The following RFTN2 variants were observed in gnomAD, a reference collection of about 807,000 sequenced individuals.
The protein encoded by RFTN2 is raftlin family member 2, also known as raftlin-2.
In RFTN2, 34 loss-of-function variants were observed where a neutral mutation model predicts 52.7. The observed-to-expected ratio is 0.64, with a 90% CI of 0.49 to 0.86. RFTN2 has a LOEUF of 0.86. Among genes scored for constraint, RFTN2 ranks in the 40% least tolerant of loss-of-function variants. The pLI, the probability that RFTN2 is intolerant of heterozygous loss-of-function variation, is 0.00. For missense variants in RFTN2, 536 were observed against 600.1 expected (o/e 0.89, Z 1.12); for synonymous variants, 203 against 217.7 (o/e 0.93, Z 0.59).
At chr2:197,640,930 G>T (rs546472689) in intron 3 of RFTN2, among the ~76,000 whole-genome samples, 12 of 152,304 alleles carry the variant, frequency 7.9e-5, no homozygotes, top group Non-Finnish European at 1.3e-4. Flanking sequence ...TTTGAAGGCT[G>T]ACGTAGGGGA....
intron 5 of RFTN2, among the ~76,000 whole-genome samples, chr2:197,625,641 A>C (rs1401185200): frequency 2.2e-5 from 3 of 134,156 alleles, no homozygotes; most frequent in African/African-American, 8.5e-5. Flanking sequence ...TCCATTTCTC[A>C]TAATGAGGGC....
At chr2:197,615,803 G>A in intron 7 of RFTN2, 73 bp downstream of exon 7, 1 of 779,436 alleles carries the variant, frequency 1.3e-6, no homozygotes, top group African/African-American at 1.7e-5. Flanking sequence ...AATATTTGTT[G>A]AATTGAACTA....
chr2:197,608,310 ATT>A (rs753519789), intron 7 of RFTN2, among the ~76,000 whole-genome samples: 152 of 132,180 alleles, frequency 1.1e-3, no homozygotes, highest in African/African-American at 3.5e-3. Context: ...TAGGGACCAG[ATT>A]TTTTTTTTTT....
chr2:197,606,719 A>T (rs1356135152), intron 7 of RFTN2, among the ~76,000 whole-genome samples: 1 of 151,670 alleles, frequency 6.6e-6, no homozygotes, highest in Admixed American at 6.6e-5. Context: ...GCCAAAAAAC[A>T]CATGAAAAAA....
chr2:197,635,304 G>C (rs1263076500), intron 3 of RFTN2, among the ~76,000 whole-genome samples: 1,797 of 152,158 alleles, frequency 0.012, 22 homozygotes, highest in Middle Eastern at 0.031. Context: ...TCCCTGAGGA[G>C]TCACCACACT....
At chr2:197,581,321 T>C (rs1049371547) in intron 8 of RFTN2, among the ~76,000 whole-genome samples, 2 of 152,144 alleles carry the variant, frequency 1.3e-5, no homozygotes, top group Non-Finnish European at 2.9e-5. Context: ...CTCAATACCT[T>C]CCTCCACAAC....
At chr2:197,656,281 G>A (rs1273054334) in intron 1 of RFTN2, among the ~76,000 whole-genome samples, 1 of 152,080 alleles carries the variant, frequency 6.6e-6, no homozygotes, top group Non-Finnish European at 1.5e-5. Flanking sequence ...ACAACCATTG[G>A]TTGCTTTGTA....
chr2:197,603,457 T>C (rs944244505), intron 7 of RFTN2, among the ~76,000 whole-genome samples: 4 of 152,172 alleles, frequency 2.6e-5, no homozygotes, highest in Non-Finnish European at 4.4e-5. Flanking sequence ...TTTAAGTAAG[T>C]TATAGGTAGA....
chr2:197,619,120 G>A lies in RFTN2; in HGVS notation c.929-1199C>T, dbSNP rs1395301137. Among the ~76,000 whole-genome samples the A allele has an allele frequency of 3.7e-4, 55 of 150,560 alleles. 1 individual carries two copies. Among genetic ancestry groups the A allele is most frequent in the African/African-American group, 1.2e-3 (51 of 41,044 alleles). ...GCCCCTCTGCCCGGCCAGCCGCCCC[G>A]TCCGGGAGGGAGGTGGGGGGGGTCA... On this transcript the variant is annotated intron_variant, in intron 5 of 8. Coordinates refer to ENST00000295049, the MANE Select transcript of RFTN2 (RefSeq NM_144629.3).
At chr2:197,640,376 C>G (rs2088645777) in intron 3 of RFTN2, among the ~76,000 whole-genome samples, 1 of 152,348 alleles carries the variant, frequency 6.6e-6, no homozygotes, top group East Asian at 1.9e-4. Flanking sequence ...GCTGTGCTAG[C>G]AATCAGCGAG....
intron 7 of RFTN2, among the ~76,000 whole-genome samples, chr2:197,597,706 C>T (rs1028788340): frequency 3.9e-5 from 6 of 151,912 alleles, no homozygotes; most frequent in African/African-American, 9.7e-5. Context: ...TTAGCAAAGA[C>T]GGGGTTTCTC....
At position 197,631,091 on chromosome 2, in the gene RFTN2, T is replaced by C. The variant is rs539867165; in HGVS notation, c.848A>G (p.Asp283Gly). 4 of 1,613,460 alleles carry C rather than the reference T, an allele frequency of 2.5e-6. No individual in the cohort carries two copies. The South Asian group carries it at 4.4e-5, about 18-fold the overall frequency. The change falls in exon 5 of 9, where the codon GAT becomes GGT. Residue 283 changes from aspartate (D) to glycine (G), a missense_variant. Coordinates refer to ENST00000295049, the MANE Select transcript of RFTN2 (RefSeq NM_144629.3). ...KGSVISTLDA[D>G]WLELTTFYYK... ...ATAAAAGGTAGTTAACTCCAGCCAA[T>C]CAGCATCAAGTGTACTAATGACTGA...
Position 197,644,209 on chromosome 2 carries a change from G to A in RFTN2, c.387C>T (p.Pro129=), listed in dbSNP as rs768246755. 7 of 1,613,592 alleles carry A rather than the reference G, an allele frequency of 4.3e-6. No homozygotes were observed. The highest frequency in any genetic ancestry group is 5.1e-6 in the Non-Finnish European group (6 of 1,179,590). The change falls in exon 3 of 9, where the codon CCC becomes CCT. Residue 129 remains proline (P), a synonymous_variant. Coordinates refer to ENST00000295049, the MANE Select transcript of RFTN2 (RefSeq NM_144629.3). The part of the protein sequence containing the change: ...RRPRLVIEEC[P]LTSEAQTNDA... ...CATTTGTTTGTGCCTCAGAAGTTAGGGGACATTCCTCAATCACGAGCCTTG... is the reference window on the plus strand; with the variant it reads ...CATTTGTTTGTGCCTCAGAAGTTAGAGGACATTCCTCAATCACGAGCCTTG...
intron 8 of RFTN2, among the ~76,000 whole-genome samples, chr2:197,579,960 C>T (rs534608251): frequency 4.6e-5 from 7 of 152,230 alleles, no homozygotes; most frequent in Admixed American, 2.6e-4. Flanking sequence ...GAGCTAAAGG[C>T]GTAGTCAAGG....
chr2:197,572,639 CTTAGTG>C lies in RFTN2; in HGVS notation c.1234-365_1234-360del, dbSNP rs567005395. Among the ~76,000 whole-genome samples the C allele has an allele frequency of 7.6e-4, 115 of 152,212 alleles. 1 individual carries two copies. The highest frequency in any genetic ancestry group is 2.6e-3 in the African/African-American group (109 of 41,534). ...GTATAAATACTAATATGTTTTTCTTCTTAGTGTTAGTTCAGATCTATACAGCAGAAA... is the reference window on the plus strand; with the variant it reads ...GTATAAATACTAATATGTTTTTCTTCTTAGTTCAGATCTATACAGCAGAAA... On this transcript the variant is annotated intron_variant, in intron 8 of 8. Transcript: ENST00000295049.
intron 8 of RFTN2, among the ~76,000 whole-genome samples, chr2:197,588,792 T>G (rs1226705629): frequency 6.6e-6 from 1 of 152,194 alleles, no homozygotes; most frequent in Non-Finnish European, 1.5e-5. Context: ...TTCTGTGTCC[T>G]CAACCAAATC....
At chr2:197,595,959 C>T in intron 8 of RFTN2, 32 bp downstream of exon 8, 1 of 1,328,904 alleles carries the variant, frequency 7.5e-7, no homozygotes, top group Non-Finnish European at 1.1e-6. Flanking sequence ...TTCAATATAA[C>T]ATTCAGTTAA....
rs1267161498 is a variant in RFTN2 at position 197,614,789 on chromosome 2, T to TGAAGA, written c.1154+1082_1154+1086dup. On this transcript the variant is annotated intron_variant, in intron 7 of 8. Coordinates refer to ENST00000295049, the MANE Select transcript of RFTN2 (RefSeq NM_144629.3). The stretch of plus-strand genomic sequence containing the variant: ...GGTGTCATGGAATTCTCCTGTTTTG[T>TGAAGA]GAAGACTGAATCTTGAGAATTATTA... Among the ~76,000 whole-genome samples the TGAAGA allele has an allele frequency of 2.0e-5, 3 of 152,322 alleles. No individual in the cohort carries two copies. The East Asian group carries it at 5.8e-4, about 29-fold the overall frequency.
Position 197,571,760 on chromosome 2 carries a change from G to A in RFTN2, c.*248C>T, listed in dbSNP as rs368127364. On this transcript the variant is annotated 3_prime_UTR_variant, in exon 9 of 9. Transcript: ENST00000295049. ...TGAAATAGATTATTGTGTAATAACC[G>A]AATGGAACATCTGTTTAACCAGATG... 3.0e-5 allele frequency: 15 copies of A among 506,178 alleles called. No homozygotes were observed. Among genetic ancestry groups the A allele is most frequent in the East Asian group, 2.0e-4 (6 of 29,442 alleles). The allele number at this position is 506,178 out of a possible 1,614,324, so 31.4% of individuals were successfully genotyped here. A position where few individuals can be genotyped will look rare whatever the true frequency, so the allele number is the denominator to read the frequency against.
Sources: gnomAD v4.1 joint callset for allele counts (sites outside exome capture counted in the v4.1 genomes callset) on GRCh38, gnomAD v4.1.1 for gene constraint, MANE v1.5 for transcripts, NCBI Gene and HGNC (gene_info 2026-07-23, HGNC 2026-07-21) for gene names.